Variants in HAPLN1 observed in about 807,000 individuals in gnomAD.
The protein encoded by HAPLN1 is Cartilage link protein.
HAPLN1 carries 13 observed loss-of-function variants against 36.5 expected under a neutral mutation model. The observed-to-expected ratio is 0.36, with a 90% CI of 0.23 to 0.57. The LOEUF (loss-of-function observed/expected upper bound fraction) is 0.57. Ranked by LOEUF, HAPLN1 falls within the 20% of genes least tolerant of loss-of-function variation. The pLI is 0.83. For synonymous variants in HAPLN1, 202 were observed against 169.8 expected, an observed-to-expected ratio of 1.19 and a Z score of -1.48; for missense variants, 407 against 439.7, an observed-to-expected ratio of 0.93 and a Z score of 0.66.
At chr5:83,712,508 C>T (rs186599004) in intron 1 of HAPLN1, among the ~76,000 whole-genome samples, 2 of 152,052 alleles carry the variant, frequency 1.3e-5, no homozygotes, top group Admixed American at 6.6e-5. Flanking sequence ...TATAAATGCT[C>T]TGTAAGTTTG....
chr5:83,656,327 CAAAAAA>C (rs35902132), intron 2 of HAPLN1, among the ~76,000 whole-genome samples: 1 of 59,804 alleles, frequency 1.7e-5, no homozygotes, highest in Non-Finnish European at 2.9e-5. Context: ...GACTACGTCT[CAAAAAA>C]AAAAAAAAAA....
At position 83,637,850 on chromosome 5, in the gene HAPLN1, T is replaced by C. The variant is rs1013792026; in HGVS notation, c.*3646A>G. The stretch of plus-strand genomic sequence containing the variant: ...TTTAATTCAGCACTCATGATTAAGT[T>C]ATAAAGCATTTAAAATGTGTTAATC... On this transcript the variant is annotated 3_prime_UTR_variant, in exon 5 of 5. Transcript: ENST00000274341. 4 of 152,014 alleles carry C rather than the reference T, an allele frequency of 2.6e-5. No homozygotes were observed. Among genetic ancestry groups the C allele is most frequent in the Non-Finnish European group, 4.4e-5 (3 of 67,910 alleles). The allele number at this position is 152,014 out of a possible 1,614,324, so 9.4% of individuals were successfully genotyped here.
chr5:83,664,392 T>G (rs1055358072), intron 2 of HAPLN1, among the ~76,000 whole-genome samples: 3 of 150,198 alleles, frequency 2.0e-5, no homozygotes, highest in African/African-American at 7.5e-5. Flanking sequence ...AAAACATTTG[T>G]TTTTTTTTGA....
rs112239144 is a variant in HAPLN1, at chr5:83,705,837, T to C, written c.-27+14952A>G. ...ATCGAAAGACTGCTAACTAGGGTAA[T>C]AAAGAAGAAAAGAGAGAATATCCAA... On this transcript the variant is annotated intron_variant, in intron 1 of 4. Coordinates refer to ENST00000274341, the MANE Select transcript of HAPLN1 (RefSeq NM_001884.4). Among the ~76,000 whole-genome samples the C allele has an allele frequency of 7.7e-3, 1,163 of 151,652 alleles. 18 individuals are homozygous for C. The highest frequency in any genetic ancestry group is 0.011 in the Non-Finnish European group (724 of 67,890).
At chr5:83,706,415 G>A (rs1022526468) in intron 1 of HAPLN1, among the ~76,000 whole-genome samples, 1 of 152,126 alleles carries the variant, frequency 6.6e-6, no homozygotes, top group Non-Finnish European at 1.5e-5. Flanking sequence ...ACGATTTAAG[G>A]CTGGTTCAAC....
At chr5:83,683,491 G>A (rs1004190239) in intron 1 of HAPLN1, among the ~76,000 whole-genome samples, 3 of 152,180 alleles carry the variant, frequency 2.0e-5, no homozygotes, top group Admixed American at 2.0e-4. Context: ...TTACATAAAA[G>A]ACTGGAATTC....
chr5:83,654,645 A>G (rs1750164552), intron 2 of HAPLN1, among the ~76,000 whole-genome samples: 2 of 152,242 alleles, frequency 1.3e-5, no homozygotes, highest in Non-Finnish European at 2.9e-5. Context: ...GGGCCTTCCC[A>G]TACTGAAACA....
chr5:83,654,580 C>A (rs1349725470), intron 2 of HAPLN1, among the ~76,000 whole-genome samples: 1 of 152,200 alleles, frequency 6.6e-6, no homozygotes, highest in Non-Finnish European at 1.5e-5. Context: ...GGGAACATTT[C>A]CTCACCAGTA....
In HAPLN1 at chr5:83,638,534, G is replaced by C. The variant is rs1488503637; in HGVS notation, c.*2962C>G. On this transcript the variant is annotated 3_prime_UTR_variant, in exon 5 of 5. Coordinates refer to ENST00000274341, the MANE Select transcript of HAPLN1 (RefSeq NM_001884.4). ...TTCCCTTTTAATCCTCCCCTCCTTA[G>C]TGGTCAGCTACTCCATGAGACCACC... 6.6e-6 allele frequency: 1 copy of C among 151,914 alleles called. No homozygotes were observed. Among genetic ancestry groups the C allele is most frequent in the East Asian group, 1.9e-4 (1 of 5,182 alleles). 9.4% of individuals were successfully genotyped at this position (151,914 alleles called of 1,614,324 possible).
chr5:83,673,599 G>T (rs1032931174), intron 1 of HAPLN1, 50 bp from the exon 2 acceptor site: 1 of 1,063,760 alleles, frequency 9.4e-7, no homozygotes, highest in Admixed American at 1.8e-5. Context: ...GAACCCTTTG[G>T]AGTGTTGCAC....
chr5:83,700,529 AG>A (rs1420892470), intron 1 of HAPLN1, among the ~76,000 whole-genome samples: 1 of 152,174 alleles, frequency 6.6e-6, no homozygotes, highest in Non-Finnish European at 1.5e-5. Flanking sequence ...GCAAATGAGG[AG>A]AAAAAATTGC....
At chr5:83,645,078 G>A (rs1394508503) in intron 3 of HAPLN1, among the ~76,000 whole-genome samples, 3 of 152,106 alleles carry the variant, frequency 2.0e-5, no homozygotes, top group Non-Finnish European at 2.9e-5. Context: ...AGAGTTGGTG[G>A]CAAATATAGA....
intron 1 of HAPLN1, among the ~76,000 whole-genome samples, chr5:83,719,153 T>C (rs1467324673): frequency 6.6e-6 from 1 of 152,236 alleles, no homozygotes; most frequent in Non-Finnish European, 1.5e-5. Context: ...ACTTCTAAAT[T>C]ACAGTGTCAG....
At chr5:83,642,454 A>G (rs1315750004) in intron 4 of HAPLN1, among the ~76,000 whole-genome samples, 1 of 152,156 alleles carries the variant, frequency 6.6e-6, no homozygotes, top group Non-Finnish European at 1.5e-5. Context: ...ACACCTAACT[A>G]TTTCTCAATT....
intron 1 of HAPLN1, among the ~76,000 whole-genome samples, chr5:83,720,431 A>T (rs1051381496): frequency 5.3e-5 from 8 of 152,322 alleles, no homozygotes; most frequent in African/African-American, 1.9e-4. Flanking sequence ...AGCCTATACT[A>T]TCCTTGTTTC....
At chr5:83,647,676 T>A (rs1749912225) in intron 3 of HAPLN1, among the ~76,000 whole-genome samples, 1 of 152,192 alleles carries the variant, frequency 6.6e-6, no homozygotes, top group Admixed American at 6.5e-5. Context: ...AAAGTTAAAC[T>A]TTTATGGATG....
chr5:83,661,128 C>T (rs1221938972), intron 2 of HAPLN1, among the ~76,000 whole-genome samples: 1 of 152,080 alleles, frequency 6.6e-6, no homozygotes, highest in East Asian at 1.9e-4. Flanking sequence ...GAGTGCATTT[C>T]AGGACTACTA....
chr5:83,701,404 T>C (rs1260982636), intron 1 of HAPLN1, among the ~76,000 whole-genome samples: 3 of 152,204 alleles, frequency 2.0e-5, no homozygotes, highest in Non-Finnish European at 2.9e-5. Context: ...AAGTACACAG[T>C]GCTTTCTGCT....
At chr5:83,649,180 T>A (rs745677189) in intron 3 of HAPLN1, among the ~76,000 whole-genome samples, 18 of 152,222 alleles carry the variant, frequency 1.2e-4, no homozygotes, top group Non-Finnish European at 2.1e-4. Flanking sequence ...GATGATGATA[T>A]ATGGATTCAT....
Sources: allele counts gnomAD v4.1 joint callset (sites outside exome capture counted in the v4.1 genomes callset), GRCh38; gene constraint gnomAD v4.1.1; transcripts MANE v1.5; gene names NCBI Gene and HGNC (gene_info 2026-07-23, HGNC 2026-07-21).